Variants in HS3ST5 observed in about 807,000 individuals in gnomAD.
HS3ST5 encodes heparan sulfate-glucosamine 3-sulfotransferase 5.
Under a neutral mutation model 25.4 loss-of-function variants are expected in HS3ST5, and 10 were observed. That is an observed-to-expected ratio of 0.39 (90% confidence interval 0.24 to 0.67). HS3ST5 has a LOEUF of 0.67. Ranked by LOEUF, HS3ST5 falls within the 30% of genes least tolerant of loss-of-function variation. HS3ST5 has a pLI of 0.44. For synonymous variants in HS3ST5, 170 were observed against 162.4 expected (o/e 1.05, Z -0.36); for missense variants, 324 against 420.7 (o/e 0.77, Z 2.01).
intron 2 of HS3ST5, among the ~76,000 whole-genome samples, chr6:114,178,224 C>A (rs1185544693): frequency 6.6e-6 from 1 of 152,124 alleles, no homozygotes; most frequent in Non-Finnish European, 1.5e-5. Context: ...AACAAAAGAA[C>A]AACCTGTTTT....
chr6:114,135,676 C>T (rs969798480), intron 3 of HS3ST5, among the ~76,000 whole-genome samples: 1 of 152,256 alleles, frequency 6.6e-6, no homozygotes, highest in South Asian at 2.1e-4. Flanking sequence ...TCCTATTCCA[C>T]AGTCAAGATT....
chr6:114,255,590 C>T (rs935949000), intron 1 of HS3ST5, among the ~76,000 whole-genome samples: 3 of 152,174 alleles, frequency 2.0e-5, no homozygotes, highest in African/African-American at 7.2e-5. Flanking sequence ...CCCCTACCTG[C>T]AGCAAACTTC....
At chr6:114,280,386 T>C (rs1452579621) in intron 1 of HS3ST5, among the ~76,000 whole-genome samples, 1 of 151,932 alleles carries the variant, frequency 6.6e-6, no homozygotes, top group Non-Finnish European at 1.5e-5. Flanking sequence ...CAGCATCACA[T>C]AGCCTTTCAA....
At chr6:114,140,997 A>T (rs554722571) in intron 3 of HS3ST5, among the ~76,000 whole-genome samples, 3 of 152,244 alleles carry the variant, frequency 2.0e-5, no homozygotes, top group East Asian at 3.8e-4. Flanking sequence ...CAAATCAAGT[A>T]CTCAATAAGT....
chr6:114,169,665 C>T (rs1779382337), intron 2 of HS3ST5, among the ~76,000 whole-genome samples: 1 of 152,108 alleles, frequency 6.6e-6, no homozygotes, highest in African/African-American at 2.4e-5. Context: ...TACTCTGTTT[C>T]TCAATTTGTT....
intron 3 of HS3ST5, among the ~76,000 whole-genome samples, chr6:114,074,597 G>C (rs1268855917): frequency 6.6e-6 from 1 of 152,014 alleles, no homozygotes; most frequent in Non-Finnish European, 1.5e-5. Flanking sequence ...TCAATTCTGA[G>C]ACCCCTGTGA....
chr6:114,137,912 A>G (rs1462984762), intron 3 of HS3ST5, among the ~76,000 whole-genome samples: 7 of 152,192 alleles, frequency 4.6e-5, no homozygotes, highest in Admixed American at 3.9e-4. Context: ...GACTTCTTCA[A>G]TATCCCCAAA....
chr6:114,266,474 A>C lies in HS3ST5; in HGVS notation c.-338-37696T>G, dbSNP rs543038997. ...TAAGTTAAATAGTGAGGCATTAGCTAACTCTCTGTATCAGTTGTCTGTTCA... is the reference window on the plus strand; with the variant it reads ...TAAGTTAAATAGTGAGGCATTAGCTCACTCTCTGTATCAGTTGTCTGTTCA... On this transcript the variant is annotated intron_variant, in intron 1 of 4. Transcript: ENST00000312719. 1.8e-4 allele frequency among the ~76,000 whole-genome samples: 28 copies of C among 152,352 alleles called. 1 individual carries two copies. In the South Asian group the frequency reaches 5.8e-3, roughly 32 times the overall value.
intron 2 of HS3ST5, among the ~76,000 whole-genome samples, chr6:114,172,905 A>G (rs753870700): frequency 1.3e-5 from 2 of 152,206 alleles, no homozygotes; most frequent in Non-Finnish European, 2.9e-5. Context: ...ACTTCAAGCC[A>G]GGGTTATCAT....
At chr6:114,180,096 C>T (rs929697896) in intron 2 of HS3ST5, among the ~76,000 whole-genome samples, 12 of 152,122 alleles carry the variant, frequency 7.9e-5, no homozygotes, top group African/African-American at 2.9e-4. Context: ...GTGGGTCTTC[C>T]TCTCTCAGTC....
chr6:114,080,310 C>G (rs1394216414), intron 3 of HS3ST5, among the ~76,000 whole-genome samples: 1 of 152,146 alleles, frequency 6.6e-6, no homozygotes, highest in African/African-American at 2.4e-5. Context: ...TAAACACATT[C>G]AATAAACGAT....
intron 1 of HS3ST5, among the ~76,000 whole-genome samples, chr6:114,333,191 G>A (rs1391514814): frequency 6.6e-6 from 1 of 152,182 alleles, no homozygotes; most frequent in Admixed American, 6.5e-5. Context: ...GAGATAGGTA[G>A]TGTTCAGGAA....
At chr6:114,193,784 ATG>A (rs1305029378) in intron 2 of HS3ST5, among the ~76,000 whole-genome samples, 1 of 141,336 alleles carries the variant, frequency 7.1e-6, no homozygotes, top group Non-Finnish European at 1.6e-5. Context: ...TTTCCTCCAC[ATG>A]TGTCTTCACA....
At chr6:114,208,315 A>G (rs1483559955) in intron 2 of HS3ST5, among the ~76,000 whole-genome samples, 1 of 152,192 alleles carries the variant, frequency 6.6e-6, no homozygotes, top group African/African-American at 2.4e-5. Flanking sequence ...AAAACACATC[A>G]TAATTCACTA....
At chr6:114,216,976 T>A (rs12529200) in intron 2 of HS3ST5, among the ~76,000 whole-genome samples, 1 of 152,174 alleles carries the variant, frequency 6.6e-6, no homozygotes, top group Non-Finnish European at 1.5e-5. Flanking sequence ...TTCTCATGAT[T>A]ATGAGCTGAC....
intron 3 of HS3ST5, among the ~76,000 whole-genome samples, chr6:114,063,717 CT>C (rs1212810946): frequency 6.6e-6 from 1 of 152,160 alleles, no homozygotes; most frequent in Non-Finnish European, 1.5e-5. Context: ...CGAAGTGATA[CT>C]TACTGAAGTT....
chr6:114,205,634 G>T (rs1781242390), intron 2 of HS3ST5, among the ~76,000 whole-genome samples: 1 of 152,142 alleles, frequency 6.6e-6, no homozygotes, highest in African/African-American at 2.4e-5. Context: ...GGGCTGAAAG[G>T]GTTAACTCTC....
chr6:114,297,206 G>GTT (rs890320287), intron 1 of HS3ST5, among the ~76,000 whole-genome samples: 1 of 147,416 alleles, frequency 6.8e-6, no homozygotes, highest in African/African-American at 2.5e-5. Flanking sequence ...ATATATGAGT[G>GTT]TTTTTTTTTT....
chr6:114,279,450 G>A (rs1582782760), intron 1 of HS3ST5, among the ~76,000 whole-genome samples: 1 of 152,032 alleles, frequency 6.6e-6, no homozygotes, highest in East Asian at 1.9e-4. Flanking sequence ...TGCTTTATGT[G>A]TTATACACAG....
Sources: allele counts gnomAD v4.1 joint callset (sites outside exome capture counted in the v4.1 genomes callset), GRCh38; gene constraint gnomAD v4.1.1; transcripts MANE v1.5; gene names NCBI Gene and HGNC (gene_info 2026-07-23, HGNC 2026-07-21).